Variants in MCM9 observed in about 807,000 individuals in gnomAD.
MCM9 encodes the protein minichromosome maintenance 9 homologous recombination repair factor.
In MCM9, 55 loss-of-function variants were observed where a neutral mutation model predicts 72.8. That is an observed-to-expected ratio of 0.76 (90% CI 0.61 to 0.95). The LOEUF (loss-of-function observed/expected upper bound fraction) is 0.95. MCM9 is among the 40% of genes least tolerant of loss of function. MCM9 has a pLI of 0.00. For missense variants in MCM9, 1,279 were observed against 1,377.0 expected (o/e 0.93, Z 1.13); for synonymous variants, 480 against 503.4 (o/e 0.95, Z 0.62).
intron 8 of MCM9, among the ~76,000 whole-genome samples, chr6:118,867,274 T>C (rs1323091760): frequency 1.3e-5 from 2 of 152,138 alleles, no homozygotes; most frequent in Non-Finnish European, 2.9e-5. Flanking sequence ...TCAACAGTGG[T>C]CCCATAAAAT....
At chr6:118,908,472 T>C (rs1780319515) in intron 8 of MCM9, 1 of 152,160 alleles carries the variant, frequency 6.6e-6, no homozygotes, top group Admixed American at 6.5e-5. Context: ...ATCATGTTAT[T>C]GGCAGTATTT....
chr6:118,887,057 G>A (rs531010594), intron 8 of MCM9, among the ~76,000 whole-genome samples: 1 of 152,280 alleles, frequency 6.6e-6, no homozygotes, highest in South Asian at 2.1e-4. Context: ...CATGAAGATG[G>A]CAGTACTCCC....
At chr6:118,887,321 T>C (rs1373548308) in intron 8 of MCM9, among the ~76,000 whole-genome samples, 3 of 152,154 alleles carry the variant, frequency 2.0e-5, no homozygotes, top group South Asian at 4.1e-4. Flanking sequence ...TGTCCAGAAA[T>C]AGACCCATAC....
chr6:118,831,440 G>A (rs1182951629), intron 9 of MCM9, among the ~76,000 whole-genome samples: 2 of 151,938 alleles, frequency 1.3e-5, no homozygotes, highest in African/African-American at 4.8e-5. Context: ...AGAAATAGGA[G>A]CAAGGAAAAT....
At chr6:118,892,681 CTG>C (rs1403604893) in intron 8 of MCM9, among the ~76,000 whole-genome samples, 1 of 152,212 alleles carries the variant, frequency 6.6e-6, no homozygotes, top group Non-Finnish European at 1.5e-5. Context: ...CCACAAAAAT[CTG>C]TGTCTATCAC....
intron 8 of MCM9, among the ~76,000 whole-genome samples, chr6:118,901,541 T>C (rs1226168218): frequency 6.6e-6 from 1 of 152,208 alleles, no homozygotes; most frequent in African/African-American, 2.4e-5. Flanking sequence ...ATTTTGTTCT[T>C]AGATACCACT....
intron 8 of MCM9, among the ~76,000 whole-genome samples, chr6:118,885,905 A>C (rs867693218): frequency 2.8e-4 from 42 of 152,290 alleles, no homozygotes; most frequent in African/African-American, 9.4e-4. Context: ...AGATGCAAAA[A>C]TCCTCAACAA....
chr6:118,893,944 C>T (rs1779140978), intron 8 of MCM9: 1 of 916,554 alleles, frequency 1.1e-6, no homozygotes, highest in Non-Finnish European at 1.3e-6. Context: ...CACGCCTCCC[C>T]GCCGCGGCCA....
At chr6:118,816,712 G>C (rs1773431731) in intron 13 of MCM9, among the ~76,000 whole-genome samples, 1 of 152,188 alleles carries the variant, frequency 6.6e-6, no homozygotes. Flanking sequence ...TAGGTTGTTG[G>C]CTAACTTGCT....
chr6:118,927,430 C>A (rs998487161), intron 3 of MCM9, among the ~76,000 whole-genome samples: 1 of 151,932 alleles, frequency 6.6e-6, no homozygotes, highest in African/African-American at 2.4e-5. Flanking sequence ...ATGGAGAAAC[C>A]CCATCTCTAC....
At chr6:118,857,634 A>G (rs1466873362) in intron 8 of MCM9, among the ~76,000 whole-genome samples, 1 of 108,632 alleles carries the variant, frequency 9.2e-6, no homozygotes, top group Non-Finnish European at 2.3e-5. Flanking sequence ...ACCAAAAAAA[A>G]AAAAAAAAAA....
chr6:118,917,474 T>C, intron 6 of MCM9, 87 bp downstream of exon 6: 1 of 1,287,848 alleles, frequency 7.8e-7, no homozygotes, highest in Non-Finnish European at 1.1e-6. Flanking sequence ...TTATGCGGCA[T>C]ATAAGACTGT....
At chr6:118,897,469 C>G (rs956265854) in intron 8 of MCM9, among the ~76,000 whole-genome samples, 3 of 151,958 alleles carry the variant, frequency 2.0e-5, no homozygotes, top group Non-Finnish European at 4.4e-5. Context: ...TTAATTACAG[C>G]TACTGTCAAT....
At chr6:118,913,205 A>C (rs1432013083) in intron 7 of MCM9, 90 bp downstream of exon 7, 55 of 1,456,902 alleles carry the variant, frequency 3.8e-5, no homozygotes, top group Middle Eastern at 1.8e-4. Context: ...GGAAAATAAA[A>C]CCCAACGAGC....
At chr6:118,889,061 G>C (rs957678666) in intron 8 of MCM9, among the ~76,000 whole-genome samples, 13 of 152,242 alleles carry the variant, frequency 8.5e-5, no homozygotes, top group South Asian at 2.1e-4. Flanking sequence ...TCAAATGAGT[G>C]AATTACATGT....
intron 8 of MCM9, chr6:118,900,984 C>T: frequency 1.3e-6 from 1 of 772,468 alleles, no homozygotes; most frequent in Middle Eastern, 2.6e-4. Flanking sequence ...GGTTAAAGAA[C>T]TGCTTCTGCT....
chr6:118,843,380 GC>G (rs1479269972), intron 9 of MCM9, among the ~76,000 whole-genome samples: 2 of 151,208 alleles, frequency 1.3e-5, no homozygotes, highest in Non-Finnish European at 2.9e-5. Flanking sequence ...TGTAATCCCA[GC>G]ACTTTGGGAG....
chr6:118,815,536 A>G lies in MCM9; in HGVS notation c.2720T>C (p.Ile907Thr), dbSNP rs1421256111. The G allele has an allele frequency of 8.4e-6, 13 of 1,548,150 alleles. No individual in the cohort carries two copies. The highest frequency in any genetic ancestry group is 1.0e-5 in the Non-Finnish European group (12 of 1,146,436). The change falls in exon 14 of 14, where the codon ATT becomes ACT. Residue 907 changes from isoleucine (I) to threonine (T), a missense_variant. By Grantham distance (89) the Ile-to-Thr change is moderately conservative. Coordinates refer to ENST00000619706, the MANE Select transcript of MCM9 (RefSeq NM_017696.3). Reference sequence around the variant, plus strand: ...GGAACCTGGAGGCTTAACATTTTCAATTGCAGGCTCTTCCACTTGCGCAAG... The same window carrying G: ...GGAACCTGGAGGCTTAACATTTTCAGTTGCAGGCTCTTCCACTTGCGCAAG... The part of the protein sequence containing the change: ...KSLAQVEEPA[I>T]ENVKPPGSPV...
At chr6:118,893,233 C>G (rs1779064891) in intron 8 of MCM9, among the ~76,000 whole-genome samples, 1 of 152,210 alleles carries the variant, frequency 6.6e-6, no homozygotes, top group African/African-American at 2.4e-5. Flanking sequence ...TACAGGCAAG[C>G]AAGGGCTCCT....
Sources: gnomAD v4.1 joint callset for allele counts (sites outside exome capture counted in the v4.1 genomes callset) on GRCh38, gnomAD v4.1.1 for gene constraint, MANE v1.5 for transcripts, NCBI Gene and HGNC (gene_info 2026-07-23, HGNC 2026-07-21) for gene names.